The following MFHAS1 variants were observed in gnomAD, a reference collection of about 807,000 sequenced individuals.
The protein encoded by MFHAS1 is malignant fibrous histiocytoma-amplified sequence 1.
Under a neutral mutation model 70.4 loss-of-function variants are expected in MFHAS1, and 50 were observed. That is an observed-to-expected ratio of 0.71 (90% CI 0.57 to 0.90). The LOEUF (loss-of-function observed/expected upper bound fraction) is 0.90. Ranked by LOEUF, MFHAS1 falls within the 40% of genes least tolerant of loss-of-function variation. The pLI is 0.00. For missense variants in MFHAS1, 1,795 were observed against 1,347.6 expected, an observed-to-expected ratio of 1.33 and a Z score of -5.20; for synonymous variants, 952 against 620.0, an observed-to-expected ratio of 1.54 and a Z score of -7.96.
intron 1 of MFHAS1, among the ~76,000 whole-genome samples, chr8:8,832,303 G>C (rs1041876422): frequency 6.6e-6 from 1 of 152,070 alleles, no homozygotes; most frequent in Non-Finnish European, 1.5e-5. Context: ...GGGAGAACAT[G>C]TTTGTAATAC....
chr8:8,866,516 C>T (rs1808863857), intron 1 of MFHAS1, among the ~76,000 whole-genome samples: 1 of 151,942 alleles, frequency 6.6e-6, no homozygotes. Context: ...TGGGGTTTTG[C>T]CATGTTGCCC....
intron 1 of MFHAS1, among the ~76,000 whole-genome samples, chr8:8,823,988 A>G (rs955789448): frequency 6.8e-6 from 1 of 146,588 alleles, no homozygotes; most frequent in Non-Finnish European, 1.5e-5. Flanking sequence ...ATATAAAAAT[A>G]GGAGAGATTT....
At chr8:8,889,948 T>C (rs1159711836) in intron 1 of MFHAS1, 113 bp downstream of exon 1, 1 of 886,186 alleles carries the variant, frequency 1.1e-6, no homozygotes, top group Non-Finnish European at 1.7e-6. Context: ...CTTACGAAGC[T>C]TTCCTGGAGA....
At chr8:8,837,621 C>T (rs1002130852) in intron 1 of MFHAS1, among the ~76,000 whole-genome samples, 4 of 151,064 alleles carry the variant, frequency 2.6e-5, no homozygotes, top group African/African-American at 4.9e-5. Flanking sequence ...CCAGCCTGGG[C>T]GACAGAGTGA....
At chr8:8,868,059 A>G (rs1162880706) in intron 1 of MFHAS1, among the ~76,000 whole-genome samples, 2 of 151,966 alleles carry the variant, frequency 1.3e-5, no homozygotes, top group East Asian at 3.9e-4. Flanking sequence ...ACTGACTTTT[A>G]TCATTTATTA....
Position 8,890,822 on chromosome 8 carries a change from G to C in MFHAS1, c.2237C>G (p.Ser746Cys). The change falls in exon 1 of 3, where the codon TCT becomes TGT. Residue 746 changes from serine to cysteine, a missense_variant. Coordinates refer to ENST00000276282, the MANE Select transcript of MFHAS1 (RefSeq NM_004225.3). ...ILNVFFQRDP[S>C]LLLHKLLLGT... ...TAGGAGCAGCTTATGCAGCAGCAAAGAGGGATCCCTCTGGAAGAAGACATT... is the reference window on the plus strand; with the variant it reads ...TAGGAGCAGCTTATGCAGCAGCAAACAGGGATCCCTCTGGAAGAAGACATT... 6.2e-7 allele frequency: 1 copy of C among 1,614,252 alleles called. No homozygotes were observed. Among genetic ancestry groups the C allele is most frequent in the South Asian group, 1.1e-5 (1 of 91,088 alleles).
chr8:8,856,251 G>C (rs1808434331), intron 1 of MFHAS1, among the ~76,000 whole-genome samples: 1 of 152,206 alleles, frequency 6.6e-6, no homozygotes, highest in South Asian at 2.1e-4. Context: ...TGGTCAGGTG[G>C]GGTCAAGCCA....
chr8:8,786,002 A>C lies in MFHAS1; in HGVS notation c.*20T>G. ...TTCAGATGCTCTCTTTTCTCCATGG[A>C]AATTCCACAGCCACAAACGTCACTG... On this transcript the variant is annotated 3_prime_UTR_variant, in exon 3 of 3. Transcript: ENST00000276282. 1 of 1,613,958 alleles carries C rather than the reference A, an allele frequency of 6.2e-7. No individual in the cohort carries two copies. The highest frequency in any genetic ancestry group is 8.5e-7 in the Non-Finnish European group (1 of 1,179,864).
intron 1 of MFHAS1, among the ~76,000 whole-genome samples, chr8:8,854,636 G>C (rs1465741391): frequency 6.6e-6 from 1 of 150,670 alleles, no homozygotes; most frequent in Non-Finnish European, 1.5e-5. Context: ...AGTGAGCCAA[G>C]ATTGCACCAC....
chr8:8,887,561 T>C (rs1284433819), intron 1 of MFHAS1, among the ~76,000 whole-genome samples: 1 of 150,392 alleles, frequency 6.6e-6, no homozygotes, highest in Non-Finnish European at 1.5e-5. Flanking sequence ...ATTTTATATG[T>C]ACATATTTTA....
At position 8,784,077 on chromosome 8, in the gene MFHAS1, G is replaced by A. The variant is rs1236176008; in HGVS notation, c.*1945C>T. 1.3e-5 allele frequency: 2 copies of A among 152,178 alleles called. No individual in the cohort carries two copies. Among genetic ancestry groups the A allele is most frequent in the African/African-American group, 2.4e-5 (1 of 41,428 alleles). The allele number at this position is 152,178 out of a possible 1,614,324, so 9.4% of individuals were successfully genotyped here. On this transcript the variant is annotated 3_prime_UTR_variant, in exon 3 of 3. Transcript: ENST00000276282. ...TAACAGCAAATACTTTGTAGGGTGTGTCACCCAAAGGAGCATTTTTGTCAT... is the reference window on the plus strand; with the variant it reads ...TAACAGCAAATACTTTGTAGGGTGTATCACCCAAAGGAGCATTTTTGTCAT...
At chr8:8,858,135 G>A (rs1187152250) in intron 1 of MFHAS1, among the ~76,000 whole-genome samples, 2 of 152,160 alleles carry the variant, frequency 1.3e-5, no homozygotes, top group Non-Finnish European at 2.9e-5. Flanking sequence ...ACAGAAATTG[G>A]GACGGAGCAC....
chr8:8,838,570 T>C (rs984125545), intron 1 of MFHAS1, among the ~76,000 whole-genome samples: 1 of 152,148 alleles, frequency 6.6e-6, no homozygotes, highest in African/African-American at 2.4e-5. Context: ...CCCAGCACTT[T>C]GGGAGGCAGA....
chr8:8,818,600 G>C (rs1806830818), intron 1 of MFHAS1, among the ~76,000 whole-genome samples: 1 of 152,166 alleles, frequency 6.6e-6, no homozygotes, highest in South Asian at 2.1e-4. Flanking sequence ...GGACCTTATA[G>C]GAACACTACA....
intron 1 of MFHAS1, among the ~76,000 whole-genome samples, chr8:8,838,705 C>T (rs1351266038): frequency 6.6e-6 from 1 of 151,400 alleles, no homozygotes; most frequent in African/African-American, 2.4e-5. Context: ...TCCAGCTACT[C>T]AGGAGGGTGA....
intron 1 of MFHAS1, among the ~76,000 whole-genome samples, chr8:8,850,285 G>C (rs1808193319): frequency 6.6e-6 from 1 of 152,148 alleles, no homozygotes; most frequent in Admixed American, 6.5e-5. Flanking sequence ...AATGCAAATA[G>C]CTTAACATGT....
intron 1 of MFHAS1, among the ~76,000 whole-genome samples, chr8:8,831,676 T>G (rs1339246473): frequency 1.3e-5 from 2 of 151,652 alleles, no homozygotes; most frequent in Non-Finnish European, 2.9e-5. Context: ...TGGTGCAATC[T>G]CAGCTCACTG....
chr8:8,876,885 G>C (rs1242763916), intron 1 of MFHAS1, among the ~76,000 whole-genome samples: 3 of 151,516 alleles, frequency 2.0e-5, no homozygotes, highest in Admixed American at 1.3e-4. Flanking sequence ...AGTGAGCCAA[G>C]ATCATGCCAC....
intron 2 of MFHAS1, among the ~76,000 whole-genome samples, chr8:8,793,016 GAGA>G (rs1372106255): frequency 2.0e-5 from 3 of 152,168 alleles, no homozygotes; most frequent in South Asian, 4.1e-4. Context: ...CAGCAAGGGG[GAGA>G]AGAAGCCACT....
Sources: allele counts gnomAD v4.1 joint callset (sites outside exome capture counted in the v4.1 genomes callset), GRCh38; gene constraint gnomAD v4.1.1; transcripts MANE v1.5; gene names NCBI Gene and HGNC (gene_info 2026-07-23, HGNC 2026-07-21).